SEMA3A: variants seen among roughly 807,000 people sequenced by gnomAD.
SEMA3A encodes semaphorin-3A.
Under a neutral mutation model 97.9 loss-of-function variants are expected in SEMA3A, and 29 were observed. The ratio of observed to expected loss-of-function variants is 0.30; its 90% CI spans 0.22 to 0.40. The LOEUF (loss-of-function observed/expected upper bound fraction) is 0.40, where lower values mean the gene tolerates loss of function less well. Ranked by LOEUF, SEMA3A falls within the 10% of genes least tolerant of loss-of-function variation. The pLI is 1.00. For synonymous variants in SEMA3A, 321 were observed against 323.7 expected (o/e 0.99, Z 0.09); for missense variants, 763 against 951.3 (o/e 0.80, Z 2.60).
In SEMA3A at chr7:83,985,492, GAAAT is replaced by G. The variant is rs1789592586; in HGVS notation, c.1453-19_1453-16del. 24 of 1,606,560 alleles carry G rather than the reference GAAAT, an allele frequency of 1.5e-5. No individual in the cohort carries two copies. The highest frequency in any genetic ancestry group is 2.0e-5 in the Non-Finnish European group (24 of 1,173,904). On this transcript the variant is annotated splice_polypyrimidine_tract_variant and intron_variant, in intron 12 of 16. Coordinates refer to ENST00000265362, the MANE Select transcript of SEMA3A (RefSeq NM_006080.3). Reference sequence around the variant, plus strand: ...GCAGTCGGTTCCTAAAGGAGAAAAAGAAATATGTGAGGTGTTTGGTCAATTAGAA... The same window carrying G: ...GCAGTCGGTTCCTAAAGGAGAAAAAGATGTGAGGTGTTTGGTCAATTAGAA...
chr7:84,462,951 T>C (rs562004563), intron 1 of SEMA3A, among the ~76,000 whole-genome samples: 28 of 152,278 alleles, frequency 1.8e-4, no homozygotes, highest in Non-Finnish European at 3.2e-4. Flanking sequence ...TGATTACTTA[T>C]ATTTTCAAAT....
At chr7:84,396,026 T>C (rs747143706) in intron 1 of SEMA3A, among the ~76,000 whole-genome samples, 7 of 151,994 alleles carry the variant, frequency 4.6e-5, no homozygotes, top group Non-Finnish European at 7.4e-5. Flanking sequence ...CTAAAGAAAA[T>C]ATTCAGGAGA....
chr7:84,453,699 A>G (rs1323027319), intron 1 of SEMA3A, among the ~76,000 whole-genome samples: 1 of 152,130 alleles, frequency 6.6e-6, no homozygotes, highest in Admixed American at 6.5e-5. Flanking sequence ...TAAATATTCT[A>G]TCGTGTACAT....
chr7:84,110,354 A>G (rs1795239706), intron 4 of SEMA3A, 116 bp downstream of exon 4: 2 of 1,096,088 alleles, frequency 1.8e-6, no homozygotes, highest in Admixed American at 2.2e-5. Context: ...CTGAGTTTGA[A>G]GTAGGTCCCA....
chr7:84,463,429 T>C (rs1348132806), intron 1 of SEMA3A, among the ~76,000 whole-genome samples: 5 of 151,850 alleles, frequency 3.3e-5, no homozygotes, highest in East Asian at 1.9e-4. Flanking sequence ...TTTGTATTTT[T>C]AGTAGAGACG....
chr7:84,413,501 G>C (rs1471692316), intron 1 of SEMA3A, among the ~76,000 whole-genome samples: 2 of 152,040 alleles, frequency 1.3e-5, no homozygotes, highest in African/African-American at 4.8e-5. Flanking sequence ...GATGGCATGT[G>C]CCTGTAGTCC....
At chr7:84,290,699 T>C (rs928310691) in intron 3 of SEMA3A, among the ~76,000 whole-genome samples, 1 of 152,120 alleles carries the variant, frequency 6.6e-6, no homozygotes, top group Non-Finnish European at 1.5e-5. Flanking sequence ...TTTATGGAAG[T>C]ATTAAATGGG....
intron 4 of SEMA3A, among the ~76,000 whole-genome samples, chr7:84,098,743 A>T (rs1005657890): frequency 2.3e-4 from 35 of 152,096 alleles, no homozygotes; most frequent in African/African-American, 8.4e-4. Context: ...CATATAGCAT[A>T]ATCTCAATGG....
At chr7:84,242,153 T>G (rs1430035070) in intron 3 of SEMA3A, among the ~76,000 whole-genome samples, 1 of 152,114 alleles carries the variant, frequency 6.6e-6, no homozygotes, top group Non-Finnish European at 1.5e-5. Flanking sequence ...AGTTTTTTTC[T>G]AATTCTGTTA....
chr7:84,099,084 T>A lies in SEMA3A; in HGVS notation c.453+11386A>T, dbSNP rs1794867433. On this transcript the variant is annotated intron_variant, in intron 4 of 16. Transcript: ENST00000265362. ...CATTTTCTTTTTTTTTCTTTTTTTT[T>A]TTTTGAGACGGAGTCTCGCTCTGTC... Among the ~76,000 whole-genome samples the A allele has an allele frequency of 2.0e-5, 2 of 101,848 alleles. 1 individual carries two copies. The highest frequency in any genetic ancestry group is 4.8e-5 in the Non-Finnish European group (2 of 42,030). 66.8% of individuals were successfully genotyped at this position (101,848 alleles called of 152,430 possible).
rs34318470 is a variant in SEMA3A at position 84,166,569 on chromosome 7, C to CA, written c.112+27905dup. On this transcript the variant is annotated intron_variant, in intron 1 of 16. Coordinates refer to ENST00000265362, the MANE Select transcript of SEMA3A (RefSeq NM_006080.3). ...CTGGGCAACAAGAGCAAAACTCCGTCAAAAAAAAAAAAAAAATTGCCGGGG... is the reference window on the plus strand; with the variant it reads ...CTGGGCAACAAGAGCAAAACTCCGTCAAAAAAAAAAAAAAAAATTGCCGGGG... Among the ~76,000 whole-genome samples the CA allele has an allele frequency of 5.2e-3, 697 of 133,280 alleles. 5 individuals carry two copies. Among genetic ancestry groups the CA allele is most frequent in the Admixed American group, 4.7e-3 (62 of 13,146 alleles). The allele number at this position is 133,280 out of a possible 152,430, so 87.4% of individuals were successfully genotyped here. A position where few individuals can be genotyped will look rare whatever the true frequency, so the allele number is the denominator to read the frequency against.
chr7:84,346,396 T>C (rs1015402253), intron 2 of SEMA3A, among the ~76,000 whole-genome samples: 2 of 152,212 alleles, frequency 1.3e-5, no homozygotes, highest in African/African-American at 4.8e-5. Flanking sequence ...GGTGAACTGC[T>C]TGGTGCAAGA....
At chr7:84,267,272 C>G (rs991272261) in intron 3 of SEMA3A, among the ~76,000 whole-genome samples, 3 of 152,088 alleles carry the variant, frequency 2.0e-5, no homozygotes, top group Non-Finnish European at 4.4e-5. Context: ...AGAAGGAATA[C>G]TCAACCTGAA....
chr7:84,280,464 C>T (rs1251764498), intron 3 of SEMA3A, among the ~76,000 whole-genome samples: 1 of 152,022 alleles, frequency 6.6e-6, no homozygotes, highest in Non-Finnish European at 1.5e-5. Flanking sequence ...ATCCTTTGTT[C>T]CATTACATCT....
intron 1 of SEMA3A, among the ~76,000 whole-genome samples, chr7:84,440,700 C>T (rs1480582447): frequency 6.6e-6 from 1 of 152,096 alleles, no homozygotes; most frequent in Non-Finnish European, 1.5e-5. Flanking sequence ...GTCCTCAGCA[C>T]AGAGACAGCT....
At chr7:84,093,841 G>T (rs1169889348) in intron 4 of SEMA3A, among the ~76,000 whole-genome samples, 2 of 151,882 alleles carry the variant, frequency 1.3e-5, no homozygotes, top group Non-Finnish European at 2.9e-5. Context: ...GGCATGCTGG[G>T]CTTAATACTT....
intron 3 of SEMA3A, among the ~76,000 whole-genome samples, chr7:84,263,982 C>T (rs1171511993): frequency 6.6e-6 from 1 of 152,122 alleles, no homozygotes; most frequent in African/African-American, 2.4e-5. Flanking sequence ...ATAACATATA[C>T]TAACTTATTT....
At chr7:84,382,620 A>G (rs1803291476) in intron 1 of SEMA3A, among the ~76,000 whole-genome samples, 1 of 143,682 alleles carries the variant, frequency 7.0e-6, no homozygotes, top group Non-Finnish European at 1.5e-5. Context: ...GTGCTTTGGG[A>G]GGCCAAGGCG....
In SEMA3A at chr7:84,155,381, T is replaced by C. The variant is rs888619710; in HGVS notation, c.113-20430A>G. On this transcript the variant is annotated intron_variant, in intron 1 of 16. Coordinates refer to ENST00000265362, the MANE Select transcript of SEMA3A (RefSeq NM_006080.3). Reference sequence around the variant, plus strand: ...CTATTTTAGCTTTCATCAAACTCTATACTTTACTAGTCCACCGCTTCCACA... The same window carrying C: ...CTATTTTAGCTTTCATCAAACTCTACACTTTACTAGTCCACCGCTTCCACA... 2.6e-5 allele frequency among the ~76,000 whole-genome samples: 4 copies of C among 152,156 alleles called. No homozygotes were observed. In the South Asian group the frequency reaches 6.2e-4, roughly 24 times the overall value.
Sources: gnomAD v4.1 joint callset for allele counts (sites outside exome capture counted in the v4.1 genomes callset) on GRCh38, gnomAD v4.1.1 for gene constraint, MANE v1.5 for transcripts, NCBI Gene and HGNC (gene_info 2026-07-23, HGNC 2026-07-21) for gene names.